The following LMO7 variants were observed in gnomAD, a reference collection of about 807,000 sequenced individuals.
LMO7 encodes the protein LIM domain 7.
A neutral mutation model predicts 206.5 loss-of-function variants in LMO7; 120 were observed. The observed-to-expected ratio is 0.58, with a 90% CI of 0.50 to 0.68. The LOEUF is 0.68. Among genes scored for constraint, LMO7 ranks in the 30% least tolerant of loss-of-function variants. The pLI, the probability that LMO7 is intolerant of heterozygous loss-of-function variation, is 0.00. For missense variants in LMO7, 1,959 were observed against 1,957.9 expected (o/e 1.00, Z -0.01); for synonymous variants, 706 against 681.5 (o/e 1.04, Z -0.56).
intron 3 of LMO7, among the ~76,000 whole-genome samples, chr13:75,756,355 T>C (rs1266622076): frequency 6.6e-6 from 1 of 152,168 alleles, no homozygotes; most frequent in Non-Finnish European, 1.5e-5. Context: ...CTGAAAGGAA[T>C]AGAGAATCAT....
chr13:75,705,776 A>G (rs1196969390), intron 1 of LMO7, among the ~76,000 whole-genome samples: 1 of 151,786 alleles, frequency 6.6e-6, no homozygotes, highest in East Asian at 1.9e-4. Context: ...GAATGAGTTC[A>G]CATTTAAAGT....
intron 4 of LMO7, among the ~76,000 whole-genome samples, chr13:75,770,415 T>C (rs1469947783): frequency 6.6e-6 from 1 of 152,032 alleles, no homozygotes; most frequent in East Asian, 1.9e-4. Context: ...CCTTTTGTCT[T>C]GTGCCTTGTC....
At chr13:75,793,019 G>C (rs934946475) in intron 4 of LMO7, among the ~76,000 whole-genome samples, 1 of 152,110 alleles carries the variant, frequency 6.6e-6, no homozygotes, top group Non-Finnish European at 1.5e-5. Context: ...ATGAGGTCAG[G>C]GGTTCAAGAG....
intron 1 of LMO7, among the ~76,000 whole-genome samples, chr13:75,711,227 T>C (rs1022375277): frequency 7.9e-5 from 12 of 152,314 alleles, no homozygotes; most frequent in East Asian, 7.7e-4. Context: ...ATTTTTGCAT[T>C]GATGTTCATC....
Position 75,702,998 on chromosome 13 carries a change from A to C in LMO7, c.70-10184A>C, listed in dbSNP as rs2042382813. 3.3e-5 allele frequency among the ~76,000 whole-genome samples: 5 copies of C among 152,322 alleles called. No individual in the cohort carries two copies. In the South Asian group the frequency reaches 1.0e-3, roughly 32 times the overall value. Reference sequence around the variant, plus strand: ...ATAGTCTTTCAAAAAGTATCACTAGAGTGATATACTTTCATGTACTCTTGT... The same window carrying C: ...ATAGTCTTTCAAAAAGTATCACTAGCGTGATATACTTTCATGTACTCTTGT... On this transcript the variant is annotated intron_variant, in intron 1 of 30. Transcript: ENST00000377534.
intron 2 of LMO7, among the ~76,000 whole-genome samples, chr13:75,723,767 A>G (rs551360323): frequency 6.6e-6 from 1 of 152,138 alleles, no homozygotes; most frequent in Non-Finnish European, 1.5e-5. Context: ...GGGGAGTGAG[A>G]AGAAAAGGAA....
chr13:75,762,234 C>T (rs1015222531), intron 4 of LMO7, among the ~76,000 whole-genome samples: 4 of 152,074 alleles, frequency 2.6e-5, no homozygotes, highest in Non-Finnish European at 4.4e-5. Flanking sequence ...TCTGACTAAT[C>T]GAAAGATAGT....
chr13:75,796,656 G>A lies in LMO7; in HGVS notation c.369G>A (p.Trp123Ter), dbSNP rs886396982. 3.7e-6 allele frequency: 6 copies of A among 1,611,074 alleles called. No homozygotes were observed. The African/African-American group carries it at 6.7e-5, about 18-fold the overall frequency. Reference sequence around the variant, plus strand: ...TTAAGGTTTTGATAACATTGTACTGGCTGGGAAGAAAAGCACAAAGCAACC... The same window carrying A: ...TTAAGGTTTTGATAACATTGTACTGACTGGGAAGAAAAGCACAAAGCAACC... ...RVKNVLITLY[W>*]LGRKAQSNPY... The change falls in exon 6 of 31, where the codon TGG (tryptophan) becomes TGA (stop). Residue 123 changes from tryptophan to a stop codon, truncating the protein, a stop_gained. Transcript: ENST00000377534. LOFTEE classifies it high-confidence loss of function.
At chr13:75,793,571 C>T (rs770746213) in intron 4 of LMO7, among the ~76,000 whole-genome samples, 2 of 152,266 alleles carry the variant, frequency 1.3e-5, no homozygotes, top group African/African-American at 2.4e-5. Flanking sequence ...CCATTGCACC[C>T]GGCCATTGCT....
At chr13:75,838,379 T>C (rs1181891456) in intron 20 of LMO7, 183 bp downstream of exon 20, 2 of 1,456,472 alleles carry the variant, frequency 1.4e-6, no homozygotes, top group Admixed American at 2.1e-5. Flanking sequence ...TTCATGGGTC[T>C]ACCTCTGTGG....
chr13:75,841,264 G>C, intron 23 of LMO7, 63 bp downstream of exon 23: 1 of 1,052,192 alleles, frequency 9.5e-7, no homozygotes, highest in Non-Finnish European at 1.4e-6. Flanking sequence ...GATTAGCTGA[G>C]AATCAGGAGA....
chr13:75,663,222 C>G (rs1302030574), intron 1 of LMO7, among the ~76,000 whole-genome samples: 1 of 150,882 alleles, frequency 6.6e-6, no homozygotes, highest in African/African-American at 2.4e-5. Flanking sequence ...TTATTTTTAT[C>G]TAGTCTTTTT....
At position 75,626,595 on chromosome 13, in the gene LMO7, A is replaced by ATATTTTTTTTTTTTTTTTTTTTTTTTC; in HGVS notation, c.225+3276_225+3277insATTTTTTTTTTTTTTTTTTTTTTTTCT. On this transcript the variant is annotated intron_variant, in intron 2 of 29. Coordinates refer to the LMO7 transcript ENST00000341547. ...ATATATATTATATATATATATATAA[A>ATATTTTTTTTTTTTTTTTTTTTTTTTC]TTTTTTTGAGACAGGGTCTCACTCT... Among the ~76,000 whole-genome samples, 22 of 71,142 alleles carry ATATTTTTTTTTTTTTTTTTTTTTTTTC rather than the reference A, an allele frequency of 3.1e-4. 1 individual carries two copies. The highest frequency in any genetic ancestry group is 4.4e-4 in the Non-Finnish European group (12 of 27,576). The allele number at this position is 71,142 out of a possible 152,430, so 46.7% of individuals were successfully genotyped here.
In LMO7 at chr13:75,636,515, A is replaced by C; in HGVS notation, c.-143A>C. ...TGCAGAGCGCAACAAAGGGAACTAG[A>C]GCCCCGGCGCCTTCGCAGCCGGAGC... On this transcript the variant is annotated 5_prime_UTR_variant, in exon 1 of 31. Transcript: ENST00000377534. The C allele has an allele frequency of 6.6e-7, 1 of 1,507,730 alleles. No homozygotes were observed. Among genetic ancestry groups the C allele is most frequent in the South Asian group, 1.3e-5 (1 of 79,674 alleles). 93.4% of individuals were successfully genotyped at this position (1,507,730 alleles called of 1,614,324 possible).
At chr13:75,727,499 T>G (rs1390073174) in intron 3 of LMO7, among the ~76,000 whole-genome samples, 4 of 152,016 alleles carry the variant, frequency 2.6e-5, no homozygotes, top group Non-Finnish European at 4.4e-5. Context: ...AGATCCATGT[T>G]TCCTATTTTC....
intron 1 of LMO7, among the ~76,000 whole-genome samples, chr13:75,705,269 CT>C (rs1224721599): frequency 6.6e-6 from 1 of 152,166 alleles, no homozygotes; most frequent in African/African-American, 2.4e-5. Context: ...TCACAAGTCA[CT>C]TGTGTACTAT....
chr13:75,780,635 A>G (rs2051186486), intron 4 of LMO7, among the ~76,000 whole-genome samples: 1 of 152,226 alleles, frequency 6.6e-6, no homozygotes, highest in Admixed American at 6.5e-5. Context: ...GCTTAAGAAG[A>G]TGACGGGATT....
intron 2 of LMO7, among the ~76,000 whole-genome samples, chr13:75,719,363 T>C (rs1314162389): frequency 2.6e-5 from 4 of 152,202 alleles, no homozygotes; most frequent in Non-Finnish European, 2.9e-5. Flanking sequence ...ATGAAGGCCA[T>C]CTCGGTTGCT....
Position 75,834,234 on chromosome 13 carries a change from GC to G in LMO7, c.3074del (p.Ala1025GlufsTer8). ...FVASVEAGSP[A>X]EFSQLQVDDE... ...TTATTTTGCATTTTTAGGTAGCCCAGCAGAATTTTCTCAGCTACAAGTAGAT... is the reference window on the plus strand; with the variant it reads ...TTATTTTGCATTTTTAGGTAGCCCAGAGAATTTTCTCAGCTACAAGTAGAT... On this transcript the variant is annotated frameshift_variant, in exon 17 of 31. Coordinates refer to ENST00000377534, the MANE Select transcript of LMO7 (RefSeq NM_001306080.2). LOFTEE classifies it high-confidence loss of function. 6.3e-7 allele frequency: 1 copy of G among 1,588,328 alleles called. No individual in the cohort carries two copies. Among genetic ancestry groups the G allele is most frequent in the Non-Finnish European group, 8.6e-7 (1 of 1,167,386 alleles).
Sources: allele counts gnomAD v4.1 joint callset (sites outside exome capture counted in the v4.1 genomes callset), GRCh38; gene constraint gnomAD v4.1.1; transcripts MANE v1.5; gene names NCBI Gene and HGNC (gene_info 2026-07-23, HGNC 2026-07-21).